Variants in DMD observed in about 807,000 individuals in gnomAD.
The protein encoded by DMD is mutant dystrophin.
Under a neutral mutation model 330.1 loss-of-function variants are expected in DMD, and 63 were observed. That is an observed-to-expected ratio of 0.19 (90% CI 0.16 to 0.24). The LOEUF (loss-of-function observed/expected upper bound fraction) is 0.24. Ranked by LOEUF, DMD falls within the 10% of genes least tolerant of loss-of-function variation. The pLI is 1.00. For synonymous variants in DMD, 1,223 were observed against 959.8 expected (o/e 1.27, Z -5.07); for missense variants, 3,344 against 2,684.1 (o/e 1.25, Z -5.43).
intron 37 of DMD, among the ~76,000 whole-genome samples, chrX:32,360,952 A>G (rs2097831148): frequency 9.0e-6 from 1 of 111,177 alleles, no homozygotes; most frequent in Non-Finnish European, 1.9e-5. Flanking sequence ...CAGAATGTGA[A>G]ATGAAAACTC....
chrX:33,090,554 A>G (rs1029894883), intron 1 of DMD, among the ~76,000 whole-genome samples: 21 of 109,217 alleles, frequency 1.9e-4, no homozygotes, highest in Non-Finnish European at 3.0e-4. Flanking sequence ...GCATTTGACT[A>G]TCATATGCCA....
At chrX:31,657,900 G>C in intron 54 of DMD, 90 bp downstream of exon 54, 1 of 1,001,642 alleles carries the variant, frequency 1.0e-6, no homozygotes, top group Non-Finnish European at 1.4e-6. Flanking sequence ...CAGTTTAGCT[G>C]GATTGGAAAA....
chrX:32,820,429 G>A (rs5972681), intron 5 of DMD, among the ~76,000 whole-genome samples: 10,764 of 110,854 alleles, frequency 0.097, 1,113 homozygotes, highest in African/African-American at 0.31. Context: ...GTGACAGAGC[G>A]AGACTCTGTC....
In DMD at chrX:31,490,567, A is replaced by G. The variant is rs770872377; in HGVS notation, c.8547+6221T>C. Among the ~76,000 whole-genome samples the G allele has an allele frequency of 2.7e-5, 3 of 112,229 alleles. No homozygotes were observed. In the South Asian group the frequency reaches 1.1e-3, roughly 42 times the overall value. The stretch of plus-strand genomic sequence containing the variant: ...GAGACTCCATCTCAAAAAAAAATTA[A>G]AGAAAAAATAAATAAAAAGAAAAGA... On this transcript the variant is annotated intron_variant, in intron 57 of 78. Coordinates refer to ENST00000357033, the MANE Select transcript of DMD (RefSeq NM_004006.3).
chrX:32,971,947 G>C (rs2092397243), intron 2 of DMD, among the ~76,000 whole-genome samples: 1 of 111,243 alleles, frequency 9.0e-6, no homozygotes, highest in East Asian at 2.8e-4. Flanking sequence ...TTTCATGGAA[G>C]AAAATCATAA....
intron 2 of DMD, among the ~76,000 whole-genome samples, chrX:32,901,807 G>A (rs1356475395): frequency 1.8e-5 from 2 of 110,346 alleles, no homozygotes; most frequent in Admixed American, 9.7e-5. Context: ...AAAGCAAGGG[G>A]TCAGTTGCGG....
chrX:32,120,335 A>G (rs2096629560), intron 44 of DMD, among the ~76,000 whole-genome samples: 1 of 112,101 alleles, frequency 8.9e-6, no homozygotes, highest in East Asian at 2.8e-4. Flanking sequence ...GACCTGCACC[A>G]AAGTTACTGG....
chrX:32,917,157 CT>C (rs1252272215), intron 2 of DMD, among the ~76,000 whole-genome samples: 2 of 98,872 alleles, frequency 2.0e-5, no homozygotes, highest in African/African-American at 4.2e-5. Flanking sequence ...AAGTGTGGCA[CT>C]TCCCCCCCCC....
At chrX:31,206,024 C>T (rs763436922) in intron 66 of DMD, among the ~76,000 whole-genome samples, 1 of 112,517 alleles carries the variant, frequency 8.9e-6, no homozygotes, top group African/African-American at 3.2e-5. Context: ...AGCAGAAGAA[C>T]CCAATGCGTA....
chrX:32,598,000 G>T (rs1239337558), intron 12 of DMD, among the ~76,000 whole-genome samples: 1 of 112,217 alleles, frequency 8.9e-6, no homozygotes, highest in Non-Finnish European at 1.9e-5. Context: ...GCACCTATCA[G>T]TCTAGCTCTT....
chrX:31,924,182 C>T (rs774241516), intron 47 of DMD, among the ~76,000 whole-genome samples: 18 of 111,585 alleles, frequency 1.6e-4, no homozygotes, highest in African/African-American at 4.2e-4. Flanking sequence ...AAAAACATCA[C>T]GTTAAGGGCA....
intron 1 of DMD, among the ~76,000 whole-genome samples, chrX:33,256,679 T>C (rs967998936): frequency 3.6e-5 from 4 of 110,463 alleles, no homozygotes; most frequent in African/African-American, 1.3e-4. Context: ...ATTTATTAAA[T>C]TCTCATTTTT....
chrX:31,695,588 T>C (rs201154355), intron 52 of DMD, among the ~76,000 whole-genome samples: 1 of 105,920 alleles, frequency 9.4e-6, no homozygotes, highest in African/African-American at 3.5e-5. Context: ...AAAAAAAAAA[T>C]TTTAAAAACC....
intron 51 of DMD, among the ~76,000 whole-genome samples, chrX:31,763,117 T>C (rs1356091518): frequency 8.9e-6 from 1 of 112,812 alleles, no homozygotes; most frequent in African/African-American, 3.2e-5. Flanking sequence ...GAAATTTAAA[T>C]TTATTTCGAG....
chrX:33,304,310 T>C (rs2053717973), intron 1 of DMD, among the ~76,000 whole-genome samples: 1 of 110,859 alleles, frequency 9.0e-6, no homozygotes, highest in African/African-American at 3.3e-5. Context: ...AAACAAGCAA[T>C]GGGGAAAGGA....
At chrX:31,356,920 CTGCCT>C (rs1377644203) in intron 60 of DMD, among the ~76,000 whole-genome samples, 96 of 73,451 alleles carry the variant, frequency 1.3e-3, no homozygotes, top group African/African-American at 4.6e-3. Flanking sequence ...AGCATTTCTT[CTGCCT>C]TTTTTTTTTT....
intron 1 of DMD, among the ~76,000 whole-genome samples, chrX:33,205,431 T>A (rs1367898920): frequency 8.9e-6 from 1 of 112,436 alleles, no homozygotes; most frequent in Non-Finnish European, 1.9e-5. Context: ...AAGGCTAAAA[T>A]CTGCACTTGT....
At chrX:32,816,344 TG>T in intron 6 of DMD, 123 bp downstream of exon 6, 2 of 713,864 alleles carry the variant, frequency 2.8e-6, no homozygotes, top group Non-Finnish European at 2.2e-6. Flanking sequence ...TAGATCAATG[TG>T]GTCAATGTAC....
At chrX:32,532,457 T>C (rs1320720074) in intron 17 of DMD, among the ~76,000 whole-genome samples, 2 of 112,422 alleles carry the variant, frequency 1.8e-5, no homozygotes, top group Non-Finnish European at 3.8e-5. Context: ...CACCCTAAGC[T>C]AGGCTGTCTG....
Sources: gnomAD v4.1 joint callset for allele counts (sites outside exome capture counted in the v4.1 genomes callset) on GRCh38, gnomAD v4.1.1 for gene constraint, MANE v1.5 for transcripts, NCBI Gene and HGNC (gene_info 2026-07-23, HGNC 2026-07-21) for gene names.